The following UNC79 variants were observed in gnomAD, a reference collection of about 807,000 sequenced individuals.
UNC79 encodes protein unc-79 homolog.
Under a neutral mutation model 283.1 loss-of-function variants are expected in UNC79, and 37 were observed. The ratio of observed to expected loss-of-function variants is 0.13; its 90% CI spans 0.10 to 0.17. The LOEUF is 0.17. Ranked by LOEUF, UNC79 falls within the 10% of genes least tolerant of loss-of-function variation. The pLI, the probability that UNC79 is intolerant of heterozygous loss-of-function variation, is 1.00. For synonymous variants in UNC79, 1,107 were observed against 1,200.2 expected, an observed-to-expected ratio of 0.92 and a Z score of 1.61; for missense variants, 2,272 against 3,211.1, an observed-to-expected ratio of 0.71 and a Z score of 7.07.
chr14:93,676,044 T>C (rs1180054119), intron 41 of UNC79, among the ~76,000 whole-genome samples: 3 of 152,132 alleles, frequency 2.0e-5, no homozygotes, highest in Non-Finnish European at 4.4e-5. Context: ...TCACACAGAC[T>C]TTTTTACTTA....
chr14:93,573,133 A>T (rs1232660189), intron 16 of UNC79, among the ~76,000 whole-genome samples: 10 of 152,202 alleles, frequency 6.6e-5, no homozygotes, highest in Non-Finnish European at 8.8e-5. Flanking sequence ...TAAATCTTTG[A>T]TATTAAACAG....
intron 1 of UNC79, among the ~76,000 whole-genome samples, 182 bp from the exon 2 acceptor site, chr14:93,467,489 T>C (rs954298906): frequency 4.6e-5 from 7 of 151,652 alleles, no homozygotes; most frequent in Non-Finnish European, 8.8e-5. Context: ...TTTGTAATTG[T>C]TTCTATCATG....
rs576562340 is a variant in UNC79, at chr14:93,349,297, C to G, written c.-351+15774C>G. 3.3e-5 allele frequency among the ~76,000 whole-genome samples: 5 copies of G among 152,282 alleles called. No individual in the cohort carries two copies. In the South Asian group the frequency reaches 1.0e-3, roughly 32 times the overall value. ...GAAACACATATTCACCTGGCCAAAC[C>G]CTTGGAGACATGAAGAACAGCAGAA... On this transcript the variant is annotated intron_variant, in intron 1 of 49. Transcript: ENST00000256339.
Position 93,436,143 on chromosome 14 carries a change from CTTT to C in UNC79, c.22+5094_22+5096del, listed in dbSNP as rs535676630. ...AAATGACTGAGGGTGGATGAAATGC[CTTT>C]TATAAGGAAGGATTACATAACCAAG... On this transcript the variant is annotated intron_variant, in intron 1 of 48. Coordinates refer to ENST00000555664, the Ensembl canonical transcript of UNC79. Among the ~76,000 whole-genome samples the C allele has an allele frequency of 3.4e-4, 52 of 152,094 alleles. 1 individual carries two copies. In the South Asian group the frequency reaches 0.01, roughly 30 times the overall value.
intron 1 of UNC79, among the ~76,000 whole-genome samples, chr14:93,350,944 T>C (rs184391310): frequency 1.6e-3 from 240 of 152,392 alleles, no homozygotes; most frequent in Non-Finnish European, 2.6e-3. Flanking sequence ...TTTTTCTTGA[T>C]AAGTCTAAAT....
intron 3 of UNC79, among the ~76,000 whole-genome samples, chr14:93,475,446 T>C (rs2057746207): frequency 6.6e-6 from 1 of 152,228 alleles, no homozygotes; most frequent in African/African-American, 2.4e-5. Context: ...ATAAAAATGA[T>C]GAAATAATGA....
intron 4 of UNC79, among the ~76,000 whole-genome samples, chr14:93,484,737 A>C (rs1382253938): frequency 3.3e-5 from 5 of 152,222 alleles, no homozygotes; most frequent in Non-Finnish European, 7.3e-5. Flanking sequence ...CTTTTTAACA[A>C]GATTCAATAA....
At chr14:93,484,258 G>A (rs1235119820) in intron 4 of UNC79, among the ~76,000 whole-genome samples, 1 of 152,216 alleles carries the variant, frequency 6.6e-6, no homozygotes, top group Non-Finnish European at 1.5e-5. Flanking sequence ...CTAGAACAAT[G>A]TTTAGTATAC....
intron 1 of UNC79, among the ~76,000 whole-genome samples, chr14:93,347,654 C>T (rs917678451): frequency 6.6e-5 from 10 of 152,026 alleles, no homozygotes; most frequent in Non-Finnish European, 1.3e-4. Flanking sequence ...ATTGGGCCTC[C>T]TTCGTTGTTA....
Position 93,653,927 on chromosome 14 carries a change from G to T in UNC79, c.6197-13G>T, listed in dbSNP as rs761907222. ...AGACACCCAAACACTAAATCCGATC[G>T]TTGACTTTCCAGATGGGACTTTTTT... is the stretch of plus-strand genomic sequence containing the variant. On this transcript the variant is annotated splice_polypyrimidine_tract_variant and intron_variant, in intron 36 of 48. Transcript: ENST00000555664. 3 of 1,614,124 alleles carry T rather than the reference G, an allele frequency of 1.9e-6. No individual in the cohort carries two copies. The highest frequency in any genetic ancestry group is 2.5e-6 in the Non-Finnish European group (3 of 1,179,990).
intron 1 of UNC79, among the ~76,000 whole-genome samples, chr14:93,368,802 G>C (rs2054386291): frequency 6.6e-6 from 1 of 152,194 alleles, no homozygotes; most frequent in African/African-American, 2.4e-5. Context: ...AATTGGAAAA[G>C]CTATTAAGAC....
At chr14:93,502,283 GGCACCTGTAGTCCCA>G (rs944664425) in intron 7 of UNC79, among the ~76,000 whole-genome samples, 2 of 152,124 alleles carry the variant, frequency 1.3e-5, no homozygotes, top group Non-Finnish European at 2.9e-5. Flanking sequence ...TGTGGTGGTG[GGCACCTGTAGTCCCA>G]GCTACTCTGG....
chr14:93,488,704 G>A (rs12433270), intron 5 of UNC79, among the ~76,000 whole-genome samples: 2,079 of 152,294 alleles, frequency 0.014, 58 homozygotes, highest in African/African-American at 0.048. Context: ...TGGAGGCTGG[G>A]AAGTCCATGA....
chr14:93,528,608 G>A (rs28420706), exon 9 of UNC79: 882,293 of 1,612,650 alleles, frequency 0.55, 244,121 homozygotes, highest in Admixed American at 0.64. Context: ...AACCACCCCC[G>A]TTGTATCTCT....
In UNC79 at chr14:93,430,826, G is replaced by T. The variant is rs2055844999; in HGVS notation, c.-204G>T. The T allele has an allele frequency of 5.9e-6, 3 of 506,670 alleles. No homozygotes were observed. The highest frequency in any genetic ancestry group is 6.1e-5 in the Admixed American group (2 of 32,676). The allele number at this position is 506,670 out of a possible 1,614,324, so 31.4% of individuals were successfully genotyped here. The stretch of plus-strand genomic sequence containing the variant: ...TTAAATCCCACCCATTTCTCCGGGG[G>T]CGATTTCCTAACCTTCCGGGACCGA... On this transcript the variant is annotated 5_prime_UTR_variant, in exon 1 of 49. Coordinates refer to ENST00000555664, the Ensembl canonical transcript of UNC79. This position sits in a 1 kb window ranked among gnomAD's most constrained non-coding sequence, Gnocchi z 4.6.
chr14:93,516,450 T>TG (rs34400311), intron 7 of UNC79, among the ~76,000 whole-genome samples: 18,069 of 77,826 alleles, frequency 0.23, 2,245 homozygotes, highest in Non-Finnish European at 0.3. Flanking sequence ...ATATTTTTTT[T>TG]GGGGGGGGGG....
At chr14:93,456,006 G>T (rs2056787594) in intron 1 of UNC79, among the ~76,000 whole-genome samples, 2 of 151,792 alleles carry the variant, frequency 1.3e-5, no homozygotes, top group Non-Finnish European at 2.9e-5. Context: ...GGTGACTCTT[G>T]TAGGAGCTGC....
intron 14 of UNC79, among the ~76,000 whole-genome samples, chr14:93,560,185 G>A (rs1282292273): frequency 1.3e-5 from 2 of 152,188 alleles, no homozygotes; most frequent in Non-Finnish European, 2.9e-5. Flanking sequence ...CTAAGAATTG[G>A]GAGGACCCAG....
At chr14:93,680,024 G>A (rs1042887360) in intron 41 of UNC79, among the ~76,000 whole-genome samples, 9 of 152,104 alleles carry the variant, frequency 5.9e-5, no homozygotes, top group African/African-American at 2.2e-4. Context: ...GGATGACAAT[G>A]CATGGATAAA....
Sources: gnomAD v4.1 joint callset for allele counts (sites outside exome capture counted in the v4.1 genomes callset) on GRCh38, gnomAD v4.1.1 for gene constraint, Gnocchi (gnomAD v3.1) non-coding constraint, MANE v1.5 for transcripts, NCBI Gene and HGNC (gene_info 2026-07-23, HGNC 2026-07-21) for gene names.